Variants in ELSPBP1 observed in about 807,000 individuals in gnomAD.
The protein encoded by ELSPBP1 is epididymal sperm-binding protein 1.
In ELSPBP1, 38 loss-of-function variants were observed where a neutral mutation model predicts 33.3. The ratio of observed to expected loss-of-function variants is 1.14; its 90% confidence interval spans 0.88 to 1.50. The LOEUF is 1.50. Among genes scored for constraint, ELSPBP1 ranks in the 40% most tolerant of loss-of-function variants. The probability of loss-of-function intolerance (pLI) is 0.00; values close to 1 mark genes in which losing one functional copy is unlikely to be tolerated. For synonymous variants in ELSPBP1, 85 were observed against 94.1 expected (o/e 0.90, Z 0.56); for missense variants, 267 against 263.5 (o/e 1.01, Z -0.09).
At chr19:48,017,695 C>G (rs890556990) in intron 4 of ELSPBP1, among the ~76,000 whole-genome samples, 1 of 151,848 alleles carries the variant, frequency 6.6e-6, no homozygotes, top group African/African-American at 2.4e-5. Context: ...GAATTTGAGA[C>G]CAGCCTAGGC....
At chr19:48,001,108 T>G (rs1340839196) in intron 1 of ELSPBP1, among the ~76,000 whole-genome samples, 1 of 151,988 alleles carries the variant, frequency 6.6e-6, no homozygotes, top group Non-Finnish European at 1.5e-5. Context: ...GGCCTCTTCC[T>G]GGCATAACTC....
At chr19:48,007,885 A>C (rs1445290983) in intron 1 of ELSPBP1, among the ~76,000 whole-genome samples, 2 of 152,194 alleles carry the variant, frequency 1.3e-5, no homozygotes, top group Non-Finnish European at 2.9e-5. Context: ...TGATTTATGA[A>C]AGCCAAGTGA....
chr19:47,998,304 C>T (rs528828633), intron 1 of ELSPBP1, among the ~76,000 whole-genome samples: 3 of 151,938 alleles, frequency 2.0e-5, no homozygotes, highest in East Asian at 1.9e-4. Context: ...ACCAGCTACT[C>T]GGGAGGCTGA....
intron 6 of ELSPBP1, among the ~76,000 whole-genome samples, chr19:48,023,495 G>GAAGGAAGGGAGGGAAGGAGT (rs1967232354): frequency 1.0e-5 from 1 of 98,010 alleles, no homozygotes; most frequent in Admixed American, 1.0e-4. Flanking sequence ...AGGGAGGGAG[G>GAAGGAAGGGAGGGAAGGAGT]GAAGGAAAAG....
At chr19:48,007,080 G>A (rs999267561) in intron 1 of ELSPBP1, among the ~76,000 whole-genome samples, 5 of 152,142 alleles carry the variant, frequency 3.3e-5, no homozygotes, top group African/African-American at 7.2e-5. Flanking sequence ...TCCATCTGAT[G>A]CCTTCCCGAG....
chr19:48,022,033 A>T (rs1219215888), intron 5 of ELSPBP1, 137 bp from the exon 6 acceptor site: 1 of 758,288 alleles, frequency 1.3e-6, no homozygotes, highest in East Asian at 2.7e-5. Context: ...AATGCGCGCG[A>T]TTAAATGCTG....
intron 6 of ELSPBP1, among the ~76,000 whole-genome samples, chr19:48,023,863 CTTTA>C (rs1967241063): frequency 6.8e-6 from 1 of 146,962 alleles, no homozygotes; most frequent in Non-Finnish European, 1.5e-5. Flanking sequence ...TTTTCTTTTT[CTTTA>C]TTTTATTTAT....
chr19:48,008,219 G>A lies in ELSPBP1; in HGVS notation c.-17-432G>A, dbSNP rs1159704672. ...CACATATGTAGAAACATATGTGTGT[G>A]TGTGGTATATGTGTGTGTATGTGTG... is the stretch of plus-strand genomic sequence containing the variant. On this transcript the variant is annotated intron_variant, in intron 1 of 6. Transcript: ENST00000339841. Among the ~76,000 whole-genome samples the A allele has an allele frequency of 2.0e-5, 3 of 151,962 alleles. No homozygotes were observed. In the East Asian group the frequency reaches 5.8e-4, roughly 29 times the overall value.
At chr19:48,007,026 A>AT (rs1172981648) in intron 1 of ELSPBP1, among the ~76,000 whole-genome samples, 2 of 152,148 alleles carry the variant, frequency 1.3e-5, no homozygotes, top group East Asian at 3.9e-4. Context: ...TAACTTTGGG[A>AT]TTTTGATTCC....
chr19:48,022,603 C>T (rs775800429), intron 6 of ELSPBP1, among the ~76,000 whole-genome samples: 1 of 152,098 alleles, frequency 6.6e-6, no homozygotes, highest in African/African-American at 2.4e-5. Context: ...ATTGGGATTT[C>T]CCCCAGAAGC....
At chr19:48,016,482 TTC>T (rs1234994976) in intron 4 of ELSPBP1, among the ~76,000 whole-genome samples, 1 of 86,520 alleles carries the variant, frequency 1.2e-5, no homozygotes, top group Non-Finnish European at 2.4e-5. Flanking sequence ...CTTTCTTTCT[TTC>T]TTTCTTTCTT....
At chr19:48,016,488 CTT>C (rs780950808) in intron 4 of ELSPBP1, among the ~76,000 whole-genome samples, 1 of 84,648 alleles carries the variant, frequency 1.2e-5, no homozygotes, top group Non-Finnish European at 2.4e-5. Flanking sequence ...TTCTTTCTTT[CTT>C]TCTTTCTTTC....
chr19:48,015,301 A>C (rs889447194), intron 3 of ELSPBP1, among the ~76,000 whole-genome samples: 1 of 152,116 alleles, frequency 6.6e-6, no homozygotes. Flanking sequence ...GGCAGAAGCA[A>C]TGGAGGAGGT....
chr19:48,022,142 C>G, intron 5 of ELSPBP1, 28 bp from the exon 6 acceptor site: 1 of 1,597,716 alleles, frequency 6.3e-7, no homozygotes, highest in Non-Finnish European at 8.5e-7. Flanking sequence ...GAGGAGTAAC[C>G]TTTGTTTTAT....
intron 1 of ELSPBP1, 140 bp downstream of exon 1, chr19:47,994,951 G>C (rs569765146): frequency 3.2e-4 from 48 of 152,282 alleles, no homozygotes; most frequent in African/African-American, 1.0e-3. Context: ...TTTTATAGCA[G>C]AAGCACTTTA....
At chr19:48,010,024 G>T (rs925148229) in intron 2 of ELSPBP1, among the ~76,000 whole-genome samples, 9 of 152,286 alleles carry the variant, frequency 5.9e-5, no homozygotes, top group African/African-American at 2.2e-4. Context: ...GCCAGGACAG[G>T]AAGTGACATT....
intron 1 of ELSPBP1, among the ~76,000 whole-genome samples, chr19:47,995,865 G>T (rs924430938): frequency 5.3e-5 from 8 of 152,306 alleles, no homozygotes; most frequent in South Asian, 4.1e-4. Context: ...TTTGAACCCT[G>T]GTTGGTTGGG....
At chr19:48,022,371 G>A in intron 6 of ELSPBP1, 37 bp downstream of exon 6, 2 of 1,558,384 alleles carry the variant, frequency 1.3e-6, no homozygotes, top group Non-Finnish European at 1.7e-6. Context: ...TTTCACGGAT[G>A]CAGAGGTGAG....
chr19:47,998,786 CAAAAAAA>C (rs34853595), intron 1 of ELSPBP1, among the ~76,000 whole-genome samples: 1 of 110,982 alleles, frequency 9.0e-6, no homozygotes, highest in Admixed American at 9.6e-5. Context: ...GACTCCGTCT[CAAAAAAA>C]AAAAAAAAAA....
Sources: allele counts gnomAD v4.1 joint callset (sites outside exome capture counted in the v4.1 genomes callset), GRCh38; gene constraint gnomAD v4.1.1; transcripts MANE v1.5; gene names NCBI Gene and HGNC (gene_info 2026-07-23, HGNC 2026-07-21).